Variants in PTER observed in about 807,000 individuals in gnomAD.
The protein encoded by PTER is N-acetyltaurine hydrolase.
In PTER, 38 loss-of-function variants were observed where a neutral mutation model predicts 29.6. The observed-to-expected ratio is 1.28, with a 90% CI of 0.99 to 1.68. The LOEUF is 1.68. PTER is among the 40% of genes most tolerant of loss of function. The pLI is 0.00. For missense variants in PTER, 482 were observed against 427.8 expected (o/e 1.13, Z -1.12); for synonymous variants, 172 against 154.5 (o/e 1.11, Z -0.84).
intron 3 of PTER, among the ~76,000 whole-genome samples, chr10:16,500,936 TA>T (rs1433467464): frequency 1.3e-5 from 2 of 152,012 alleles, no homozygotes; most frequent in South Asian, 2.1e-4. Context: ...TTTATTTTTT[TA>T]TTTTTGTTTT....
At chr10:16,480,766 A>T (rs1432618493) in intron 1 of PTER, among the ~76,000 whole-genome samples, 2 of 152,134 alleles carry the variant, frequency 1.3e-5, no homozygotes, top group East Asian at 3.9e-4. Flanking sequence ...GCTGTGAGGA[A>T]CTCTCAGTGA....
At chr10:16,481,846 G>A (rs1298436944) in intron 1 of PTER, among the ~76,000 whole-genome samples, 3 of 152,100 alleles carry the variant, frequency 2.0e-5, no homozygotes, top group South Asian at 2.1e-4. Context: ...GGAAAGAAAC[G>A]GCAAATTAAC....
At chr10:16,459,843 G>C (rs1834545466) in intron 1 of PTER, among the ~76,000 whole-genome samples, 1 of 152,126 alleles carries the variant, frequency 6.6e-6, no homozygotes, top group Non-Finnish European at 1.5e-5. Flanking sequence ...CGCCTCCCGG[G>C]TTCAACCGAG....
chr10:16,495,796 G>C (rs1836072913), intron 3 of PTER, among the ~76,000 whole-genome samples: 1 of 152,180 alleles, frequency 6.6e-6, no homozygotes, highest in African/African-American at 2.4e-5. Flanking sequence ...CACTAGATTA[G>C]GAGTTGGAAT....
At chr10:16,500,375 G>C (rs1588627859) in intron 3 of PTER, among the ~76,000 whole-genome samples, 5 of 152,068 alleles carry the variant, frequency 3.3e-5, no homozygotes, top group Admixed American at 3.3e-4. Context: ...TCAGCCTCCT[G>C]AGCAACTGGG....
chr10:16,515,409 A>T (rs1288868652), downstream of PTER, among the ~76,000 whole-genome samples: 5 of 152,104 alleles, frequency 3.3e-5, no homozygotes, highest in East Asian at 9.6e-4. Context: ...ATGTGCATTT[A>T]AATCAAGAAT....
chr10:16,461,706 C>G (rs929320243), intron 1 of PTER, among the ~76,000 whole-genome samples: 14 of 152,244 alleles, frequency 9.2e-5, no homozygotes, highest in African/African-American at 2.9e-4. Flanking sequence ...ACCTCTAGAG[C>G]AATTTTTCTC....
In PTER at chr10:16,484,812, A is replaced by G; in HGVS notation, c.428A>G (p.Glu143Gly). 6.3e-7 allele frequency: 1 copy of G among 1,591,526 alleles called. No homozygotes were observed. The highest frequency in any genetic ancestry group is 8.5e-7 in the Non-Finnish European group (1 of 1,172,308). Residue 143 changes from glutamate (E) to glycine (G), a missense_variant, in exon 2 of 5, where the codon GAG (glutamate) becomes GGG (glycine). Transcript: ENST00000535784. ...TCAGAGACCAGGGCCATGTCAGTGG[A>G]GCAGGTAAAAAGCCTAAGTTCTTTG... ...HSSETRAMSV[E>G]QLTDVLMNEI...
intron 1 of PTER, among the ~76,000 whole-genome samples, chr10:16,472,226 A>G (rs1564395246): frequency 6.6e-6 from 1 of 152,212 alleles, no homozygotes. Context: ...TATTGCTAGT[A>G]TAAGTTCCTT....
At chr10:16,473,801 C>G (rs902910522) in intron 1 of PTER, among the ~76,000 whole-genome samples, 1 of 152,170 alleles carries the variant, frequency 6.6e-6, no homozygotes, top group Non-Finnish European at 1.5e-5. Flanking sequence ...GACTGTGGAG[C>G]ATTTAAAAGC....
At chr10:16,455,658 T>C (rs187308066) in intron 1 of PTER, among the ~76,000 whole-genome samples, 248 of 152,236 alleles carry the variant, frequency 1.6e-3, no homozygotes, top group African/African-American at 5.4e-3. Flanking sequence ...GCCACTGCAC[T>C]CTAGCCTGGG....
chr10:16,449,530 G>A (rs559673497), intron 1 of PTER, among the ~76,000 whole-genome samples: 2 of 133,692 alleles, frequency 1.5e-5, no homozygotes, highest in African/African-American at 5.8e-5. Context: ...CCGCCTCTTT[G>A]CTTCTGCTGT....
chr10:16,449,237 C>T (rs539689830), intron 1 of PTER, among the ~76,000 whole-genome samples: 1 of 152,236 alleles, frequency 6.6e-6, no homozygotes. Context: ...CTCTACCATT[C>T]AGGGAGCCAC....
At chr10:16,500,313 G>A (rs1357269755) in intron 3 of PTER, among the ~76,000 whole-genome samples, 3 of 151,462 alleles carry the variant, frequency 2.0e-5, no homozygotes, top group Admixed American at 1.3e-4. Flanking sequence ...GCAGCAGTGC[G>A]ACCATAGCTC....
chr10:16,511,170 C>T lies in PTER; in HGVS notation c.964C>T (p.Pro322Ser). Residue 322 changes from proline to serine, a missense_variant, in exon 5 of 5, where the codon CCT (proline) becomes TCT (serine). Coordinates refer to ENST00000535784, the MANE Select transcript of PTER (RefSeq NM_001261836.2). Reference sequence around the variant, plus strand: ...TTCTCATATACTCACCAATGTTGTTCCTAAAATGTTGCTGAGAGGCATAAC... The same window carrying T: ...TTCTCATATACTCACCAATGTTGTTTCTAAAATGTTGCTGAGAGGCATAAC... ...GYSHILTNVV[P>S]KMLLRGITEN... is the part of the protein sequence containing the mutation. 2 of 1,614,042 alleles carry T rather than the reference C, an allele frequency of 1.2e-6. No homozygotes were observed. The highest frequency in any genetic ancestry group is 1.7e-6 in the Non-Finnish European group (2 of 1,179,966).
In PTER at chr10:16,484,503, C is replaced by G. The variant is rs776782298; in HGVS notation, c.119C>G (p.Pro40Arg). ...ACCTTTGACTGCTGTTACTGTCCACCTCCCCCGTGCCAGGAAGCTATTTCC... is the reference window on the plus strand; with the variant it reads ...ACCTTTGACTGCTGTTACTGTCCACGTCCCCCGTGCCAGGAAGCTATTTCC... ...AMTFDCCYCP[P>R]PPCQEAISKE... The change falls in exon 2 of 5, where the codon CCT (proline) becomes CGT (arginine). Residue 40 changes from proline (P) to arginine (R), a missense_variant. Physicochemically the swap from Pro to Arg is moderately radical, Grantham distance 103. Coordinates refer to ENST00000535784, the MANE Select transcript of PTER (RefSeq NM_001261836.2). 6.2e-7 allele frequency: 1 copy of G among 1,614,036 alleles called. No homozygotes were observed. The highest frequency in any genetic ancestry group is 8.5e-7 in the Non-Finnish European group (1 of 1,180,000).
chr10:16,448,307 A>C (rs1012877611), intron 1 of PTER, among the ~76,000 whole-genome samples: 1 of 152,198 alleles, frequency 6.6e-6, no homozygotes, highest in Non-Finnish European at 1.5e-5. Context: ...AGGAGCTTGC[A>C]TAGTAGCCTG....
At chr10:16,459,496 T>C (rs1259168803) in intron 1 of PTER, among the ~76,000 whole-genome samples, 2 of 152,206 alleles carry the variant, frequency 1.3e-5, no homozygotes, top group African/African-American at 4.8e-5. Context: ...TTGTACGGTT[T>C]AGATAAATAT....
At chr10:16,481,381 T>C (rs1254085369) in intron 1 of PTER, among the ~76,000 whole-genome samples, 1 of 152,176 alleles carries the variant, frequency 6.6e-6, no homozygotes, top group African/African-American at 2.4e-5. Flanking sequence ...GAATAACCTC[T>C]TGCCTGTATG....
Sources: allele counts gnomAD v4.1 joint callset (sites outside exome capture counted in the v4.1 genomes callset), GRCh38; gene constraint gnomAD v4.1.1; transcripts MANE v1.5; gene names NCBI Gene and HGNC (gene_info 2026-07-23, HGNC 2026-07-21).